Variants in GRB10 observed in about 807,000 individuals in gnomAD.
The protein encoded by GRB10 is growth factor receptor bound protein 10.
Under a neutral mutation model 80.9 loss-of-function variants are expected in GRB10, and 20 were observed. That is an observed-to-expected ratio of 0.25 (90% CI 0.17 to 0.36). The LOEUF (loss-of-function observed/expected upper bound fraction) is 0.36, where lower values mean the gene tolerates loss of function less well. GRB10 is among the 10% of genes least tolerant of loss of function. The pLI, the probability that GRB10 is intolerant of heterozygous loss-of-function variation, is 1.00. For synonymous variants in GRB10, 291 were observed against 291.5 expected, an observed-to-expected ratio of 1.00 and a Z score of 0.02; for missense variants, 548 against 747.7, an observed-to-expected ratio of 0.73 and a Z score of 3.12.
At chr7:50,705,491 C>A (rs997754820) in intron 4 of GRB10, among the ~76,000 whole-genome samples, 1 of 151,728 alleles carries the variant, frequency 6.6e-6, no homozygotes, top group African/African-American at 2.4e-5. Flanking sequence ...AAAAAATGAA[C>A]AAAAAATTAA....
chr7:50,674,366 A>G, intron 6 of GRB10, 70 bp downstream of exon 6: 1 of 1,444,984 alleles, frequency 6.9e-7, no homozygotes, highest in Non-Finnish European at 9.6e-7. Context: ...CATTTAACTC[A>G]CAGAGAGCAG....
At chr7:50,707,830 T>C (rs1412373547) in intron 4 of GRB10, among the ~76,000 whole-genome samples, 1 of 152,186 alleles carries the variant, frequency 6.6e-6, no homozygotes, top group East Asian at 1.9e-4. Flanking sequence ...GCCCCTTGCG[T>C]GCTTCCTGTG....
At chr7:50,653,147 A>G (rs943681144) in intron 7 of GRB10, among the ~76,000 whole-genome samples, 3 of 152,160 alleles carry the variant, frequency 2.0e-5, no homozygotes, top group Admixed American at 6.5e-5. Flanking sequence ...TACGATGAGG[A>G]GCAAGGCATC....
chr7:50,768,670 G>A (rs1338026130), intron 2 of GRB10, among the ~76,000 whole-genome samples: 2 of 152,174 alleles, frequency 1.3e-5, no homozygotes, highest in Non-Finnish European at 2.9e-5. Context: ...TCACCCATTG[G>A]TCAAGATCGT....
intron 5 of GRB10, among the ~76,000 whole-genome samples, chr7:50,699,168 T>C (rs2063825550): frequency 6.6e-6 from 1 of 152,240 alleles, no homozygotes; most frequent in Admixed American, 6.5e-5. Flanking sequence ...ATTTTAAAAG[T>C]GCTAACATAT....
intron 5 of GRB10, among the ~76,000 whole-genome samples, chr7:50,685,925 G>A (rs897177926): frequency 1.3e-5 from 2 of 152,110 alleles, no homozygotes; most frequent in African/African-American, 4.8e-5. Context: ...CTCCAGATGG[G>A]CCTTAAGGGG....
chr7:50,697,359 G>C (rs2063568865), intron 5 of GRB10, among the ~76,000 whole-genome samples: 1 of 152,128 alleles, frequency 6.6e-6, no homozygotes, highest in Non-Finnish European at 1.5e-5. Flanking sequence ...TCCAGCTATT[G>C]CAAAACCACC....
At chr7:50,769,142 A>T (rs2076702504) in intron 2 of GRB10, among the ~76,000 whole-genome samples, 1 of 152,116 alleles carries the variant, frequency 6.6e-6, no homozygotes, top group African/African-American at 2.4e-5. Context: ...GCTAATTCAA[A>T]CTTCCTTCAC....
intron 2 of GRB10, among the ~76,000 whole-genome samples, chr7:50,778,420 T>C (rs1266928713): frequency 6.6e-6 from 1 of 152,198 alleles, no homozygotes; most frequent in Non-Finnish European, 1.5e-5. Flanking sequence ...TCAATGCATT[T>C]ACTGATCAAC....
intron 7 of GRB10, among the ~76,000 whole-genome samples, chr7:50,645,842 C>T (rs1394408426): frequency 1.3e-5 from 2 of 152,196 alleles, no homozygotes; most frequent in Non-Finnish European, 2.9e-5. Context: ...AGGCCCTAGG[C>T]AGTGAGAAGA....
intron 3 of GRB10, among the ~76,000 whole-genome samples, chr7:50,733,643 T>A (rs1429460205): frequency 6.6e-6 from 1 of 152,194 alleles, no homozygotes; most frequent in African/African-American, 2.4e-5. Context: ...CAGTGAGAAC[T>A]GTGCCCGCAT....
chr7:50,664,645 G>T (rs750006258), intron 7 of GRB10, among the ~76,000 whole-genome samples: 4 of 152,112 alleles, frequency 2.6e-5, no homozygotes, highest in African/African-American at 7.2e-5. Context: ...AGGGTCTGAC[G>T]CAAAGGAGGA....
rs555602503 is a variant in GRB10 at position 50,754,286 on chromosome 7, G to A, written c.-47+1601C>T. 3.3e-5 allele frequency among the ~76,000 whole-genome samples: 5 copies of A among 152,314 alleles called. No homozygotes were observed. In the East Asian group the frequency reaches 5.8e-4, roughly 18 times the overall value. On this transcript the variant is annotated intron_variant, in intron 3 of 18. Coordinates refer to ENST00000401949, the MANE Select transcript of GRB10 (RefSeq NM_001350814.2). ...GCAGAGCTATCACTGGCCACAAAGC[G>A]TGGCTTTTTCTCTGACCCATTCTGA...
intron 7 of GRB10, among the ~76,000 whole-genome samples, chr7:50,664,566 C>T (rs1330632455): frequency 6.6e-6 from 1 of 152,220 alleles, no homozygotes; most frequent in Non-Finnish European, 1.5e-5. Context: ...TGTGGTGCCC[C>T]TCCCTCCCGA....
At chr7:50,685,328 G>T (rs954081375) in intron 5 of GRB10, among the ~76,000 whole-genome samples, 5 of 152,166 alleles carry the variant, frequency 3.3e-5, no homozygotes, top group African/African-American at 1.2e-4. Context: ...TAGCAAGAAA[G>T]GACAGGAAAC....
At chr7:50,605,206 G>T in intron 15 of GRB10, 84 bp downstream of exon 15, 1 of 1,022,634 alleles carries the variant, frequency 9.8e-7, no homozygotes. Context: ...AACCCGCATA[G>T]AGCTGTTCCT....
rs1459678216 is a variant in GRB10, at chr7:50,736,083, C to T, written c.-46-3715G>A. 3.9e-5 allele frequency among the ~76,000 whole-genome samples: 6 copies of T among 151,934 alleles called. No individual in the cohort carries two copies. The East Asian group carries it at 9.7e-4, about 25-fold the overall frequency. On this transcript the variant is annotated intron_variant, in intron 3 of 18. Coordinates refer to ENST00000401949, the MANE Select transcript of GRB10 (RefSeq NM_001350814.2). ...GGCGGATCACTTGAGGTCAAGAGTT[C>T]GAGATCAGCCTGGCCAACATGGTGA...
In GRB10 at chr7:50,739,267, A is replaced by G. The variant is rs566547194; in HGVS notation, c.-46-6899T>C. On this transcript the variant is annotated intron_variant, in intron 3 of 18. Coordinates refer to ENST00000401949, the MANE Select transcript of GRB10 (RefSeq NM_001350814.2). ...ATAAACTTCAAAAATGTTGCACCCA[A>G]TAACACTTTTTCTGAAAAGTACATT... Among the ~76,000 whole-genome samples, 59 of 152,372 alleles carry G rather than the reference A, an allele frequency of 3.9e-4. 1 individual carries two copies. Among genetic ancestry groups the G allele is most frequent in the Middle Eastern group, 6.8e-3 (2 of 294 alleles).
chr7:50,614,944 G>T, intron 11 of GRB10, 64 bp from the exon 12 acceptor site: 1 of 985,878 alleles, frequency 1.0e-6, no homozygotes, highest in Non-Finnish European at 1.6e-6. Context: ...TTCACCTCTG[G>T]TAGACAGAGG....
Sources: gnomAD v4.1 joint callset for allele counts (sites outside exome capture counted in the v4.1 genomes callset) on GRCh38, gnomAD v4.1.1 for gene constraint, MANE v1.5 for transcripts, NCBI Gene and HGNC (gene_info 2026-07-23, HGNC 2026-07-21) for gene names.